The following CNTNAP5 variants were observed in gnomAD, a reference collection of about 807,000 sequenced individuals.
The protein encoded by CNTNAP5 is contactin-associated protein-like 5.
In CNTNAP5, 72 loss-of-function variants were observed where a neutral mutation model predicts 150.2. The observed-to-expected ratio is 0.48, with a 90% CI of 0.40 to 0.58. The LOEUF (loss-of-function observed/expected upper bound fraction) is 0.58, where lower values mean the gene tolerates loss of function less well. CNTNAP5 is among the 20% of genes least tolerant of loss of function. The probability of loss-of-function intolerance (pLI) is 0.00; values close to 1 mark genes in which losing one functional copy is unlikely to be tolerated. For synonymous variants in CNTNAP5, 672 were observed against 619.8 expected, an observed-to-expected ratio of 1.08 and a Z score of -1.25; for missense variants, 1,636 against 1,626.2, an observed-to-expected ratio of 1.01 and a Z score of -0.10.
intron 7 of CNTNAP5, among the ~76,000 whole-genome samples, chr2:124,499,227 G>T (rs919917529): frequency 1.3e-5 from 2 of 152,142 alleles, no homozygotes; most frequent in Non-Finnish European, 2.9e-5. Context: ...TCAGAATTCA[G>T]AGCAAGATGA....
chr2:124,407,559 C>T (rs552319699), intron 3 of CNTNAP5, among the ~76,000 whole-genome samples: 6 of 152,224 alleles, frequency 3.9e-5, no homozygotes, highest in African/African-American at 1.4e-4. Context: ...TCAGGTACTT[C>T]AATACCCTTC....
intron 1 of CNTNAP5, among the ~76,000 whole-genome samples, chr2:124,088,218 A>G (rs1025149586): frequency 2.0e-5 from 3 of 152,024 alleles, no homozygotes; most frequent in African/African-American, 7.2e-5. Context: ...TGCTATTAAG[A>G]CTATCAAGCC....
chr2:124,877,899 G>C (rs564535497), intron 21 of CNTNAP5, among the ~76,000 whole-genome samples: 1 of 151,782 alleles, frequency 6.6e-6, no homozygotes, highest in Non-Finnish European at 1.5e-5. Context: ...ATCTAAACTC[G>C]TTCCTTATGC....
chr2:124,497,807 A>G (rs968683261), intron 7 of CNTNAP5, among the ~76,000 whole-genome samples: 1 of 152,186 alleles, frequency 6.6e-6, no homozygotes, highest in Non-Finnish European at 1.5e-5. Context: ...TTTCTATTAT[A>G]CAATCACATT....
At chr2:124,099,039 G>A (rs1683004411) in intron 1 of CNTNAP5, among the ~76,000 whole-genome samples, 1 of 152,086 alleles carries the variant, frequency 6.6e-6, no homozygotes, top group South Asian at 2.1e-4. Flanking sequence ...GCTCCTTTGT[G>A]CAGTGCTCAA....
chr2:124,859,903 C>A (rs534038135), intron 19 of CNTNAP5, among the ~76,000 whole-genome samples: 3 of 152,056 alleles, frequency 2.0e-5, no homozygotes, highest in African/African-American at 7.2e-5. Flanking sequence ...ACACTGGGGC[C>A]TGTGGTGGGG....
At position 124,683,403 on chromosome 2, in the gene CNTNAP5, T is replaced by A. The variant is rs7600422; in HGVS notation, c.2077+35445T>A. On this transcript the variant is annotated intron_variant, in intron 13 of 23. Transcript: ENST00000682447. ...TTATTAAAACAGTTTTTATTTCAGT[T>A]TTTTTTGGGGAGAAAAGGTGGTATT... is the stretch of plus-strand genomic sequence containing the variant. 4.6e-5 allele frequency among the ~76,000 whole-genome samples: 7 copies of A among 152,118 alleles called. No homozygotes were observed. The Middle Eastern group carries it at 0.014, about 296-fold the overall frequency.
chr2:124,329,568 C>A (rs1265305760), intron 3 of CNTNAP5, among the ~76,000 whole-genome samples: 1 of 152,122 alleles, frequency 6.6e-6, no homozygotes, highest in Non-Finnish European at 1.5e-5. Flanking sequence ...TGAGCCCTAA[C>A]ATTTCCCTGC....
intron 21 of CNTNAP5, among the ~76,000 whole-genome samples, chr2:124,878,574 T>C (rs1677905490): frequency 6.6e-6 from 1 of 152,136 alleles, no homozygotes. Flanking sequence ...AATTTTACTC[T>C]TCTCTCCCAC....
chr2:124,411,101 C>A (rs909462466), intron 3 of CNTNAP5, among the ~76,000 whole-genome samples: 1 of 152,286 alleles, frequency 6.6e-6, no homozygotes, highest in South Asian at 2.1e-4. Flanking sequence ...ACTACAAACA[C>A]CTCTATGCAA....
intron 13 of CNTNAP5, among the ~76,000 whole-genome samples, chr2:124,652,590 T>C (rs1678346495): frequency 6.6e-6 from 1 of 152,172 alleles, no homozygotes; most frequent in Non-Finnish European, 1.5e-5. Context: ...ACATGGCCAA[T>C]TAGCTCTATA....
intron 3 of CNTNAP5, among the ~76,000 whole-genome samples, chr2:124,260,646 A>G (rs931643883): frequency 6.6e-5 from 10 of 152,238 alleles, no homozygotes; most frequent in African/African-American, 2.4e-4. Flanking sequence ...TCCAGCATCT[A>G]CAATGAACTC....
At chr2:124,637,796 A>G (rs1167428292) in intron 12 of CNTNAP5, among the ~76,000 whole-genome samples, 1 of 151,170 alleles carries the variant, frequency 6.6e-6, no homozygotes, top group Non-Finnish European at 1.5e-5. Flanking sequence ...GTCGTTATGG[A>G]CTCTAATTCA....
At chr2:124,896,758 C>G (rs979862142) in intron 21 of CNTNAP5, among the ~76,000 whole-genome samples, 2 of 151,238 alleles carry the variant, frequency 1.3e-5, no homozygotes, top group East Asian at 3.9e-4. Context: ...AGGCTGGTCT[C>G]GAACTCATGA....
intron 3 of CNTNAP5, among the ~76,000 whole-genome samples, chr2:124,316,829 GAAA>G (rs1403699979): frequency 2.5e-5 from 3 of 118,456 alleles, no homozygotes; most frequent in Non-Finnish European, 5.4e-5. Flanking sequence ...AAAAAAAAAA[GAAA>G]AAGAAAAAAA....
intron 3 of CNTNAP5, among the ~76,000 whole-genome samples, chr2:124,333,882 C>T (rs145708841): frequency 2.0e-4 from 30 of 152,238 alleles, no homozygotes; most frequent in African/African-American, 6.5e-4. Flanking sequence ...TGAATTTGCC[C>T]GCTGCATAAT....
intron 10 of CNTNAP5, among the ~76,000 whole-genome samples, chr2:124,530,390 G>A (rs1055678326): frequency 6.6e-6 from 1 of 152,178 alleles, no homozygotes; most frequent in Non-Finnish European, 1.5e-5. Flanking sequence ...AAAATCTCAA[G>A]AGCTCCCTCC....
intron 3 of CNTNAP5, among the ~76,000 whole-genome samples, chr2:124,398,171 C>T (rs1400785169): frequency 6.6e-6 from 1 of 152,162 alleles, no homozygotes; most frequent in Admixed American, 6.5e-5. Flanking sequence ...TGAATCAGGG[C>T]AGTGGCCCTC....
intron 13 of CNTNAP5, among the ~76,000 whole-genome samples, chr2:124,692,364 T>G (rs1051591997): frequency 6.6e-6 from 1 of 152,162 alleles, no homozygotes; most frequent in African/African-American, 2.4e-5. Flanking sequence ...TTTGCACTAC[T>G]GAGGGGAGTT....
Sources: allele counts gnomAD v4.1 joint callset (sites outside exome capture counted in the v4.1 genomes callset), GRCh38; gene constraint gnomAD v4.1.1; transcripts MANE v1.5; gene names NCBI Gene and HGNC (gene_info 2026-07-23, HGNC 2026-07-21).